RAP1GAP: variants seen among roughly 807,000 people sequenced by gnomAD.
RAP1GAP encodes rap1 GTPase-activating protein 1.
RAP1GAP carries 35 observed loss-of-function variants against 87.2 expected under a neutral mutation model. The observed-to-expected ratio is 0.40, with a 90% confidence interval of 0.31 to 0.53. The LOEUF (loss-of-function observed/expected upper bound fraction) is 0.53. RAP1GAP is among the 20% of genes least tolerant of loss of function. The probability of loss-of-function intolerance (pLI) is 0.48; values close to 1 mark genes in which losing one functional copy is unlikely to be tolerated. For synonymous variants in RAP1GAP, 375 were observed against 363.9 expected, an observed-to-expected ratio of 1.03 and a Z score of -0.35; for missense variants, 734 against 898.9, an observed-to-expected ratio of 0.82 and a Z score of 2.35.
At chr1:21,605,036 G>GATA in intron 18 of RAP1GAP, among the ~76,000 whole-genome samples, 2 of 149,958 alleles carry the variant, frequency 1.3e-5, no homozygotes, top group African/African-American at 2.5e-5. Context: ...TGGATGGGTG[G>GATA]GTGGATGGAT....
rs1374627554 is a variant in RAP1GAP, at chr1:21,651,728, G to A, written c.-148-1932C>T. The A allele has an allele frequency of 9.9e-5, 140 of 1,415,608 alleles. 2 individuals are homozygous for A. The South Asian group carries it at 1.7e-3, about 17-fold the overall frequency. The allele number at this position is 1,415,608 out of a possible 1,614,324, so 87.7% of individuals were successfully genotyped here. A position where few individuals can be genotyped will look rare whatever the true frequency, so the allele number is the denominator to read the frequency against. On this transcript the variant is annotated intron_variant, in intron 1 of 24. Transcript: ENST00000374765. Reference sequence around the variant, plus strand: ...CCCGCACGGGCTCCCCCCCACGCGTGCACACGCACACGCGCGCACGCGCCC... The same window carrying A: ...CCCGCACGGGCTCCCCCCCACGCGTACACACGCACACGCGCGCACGCGCCC...
chr1:21,613,608 C>T lies in RAP1GAP; in HGVS notation c.474+20G>A. 1 of 1,601,192 alleles carries T rather than the reference C, an allele frequency of 6.2e-7. No homozygotes were observed. The highest frequency in any genetic ancestry group is 1.7e-4 in the Middle Eastern group (1 of 6,034). ...ATCTGCGGAGCCAGCCCGGGAAGCT[C>T]AGCGGAGCGGAGACCTCACCTTTGC... On this transcript the variant is annotated intron_variant, in intron 9 of 24. Coordinates refer to ENST00000374765, the MANE Select transcript of RAP1GAP (RefSeq NM_002885.4). The surrounding 1 kb of genome is among the most constrained non-coding windows in gnomAD (Gnocchi z 4.7).
intron 21 of RAP1GAP, among the ~76,000 whole-genome samples, chr1:21,598,902 T>C (rs1053388631): frequency 6.6e-6 from 1 of 152,260 alleles, no homozygotes; most frequent in African/African-American, 2.4e-5. Context: ...CTGTATCTGT[T>C]GTATCTGGGG....
At position 21,597,033 on chromosome 1, in the gene RAP1GAP, A is replaced by G. The variant is rs1170980294; in HGVS notation, c.*266T>C. 6.6e-6 allele frequency: 1 copy of G among 152,368 alleles called. No homozygotes were observed. The highest frequency in any genetic ancestry group is 1.5e-5 in the Non-Finnish European group (1 of 68,260). The allele number at this position is 152,368 out of a possible 1,614,324, so 9.4% of individuals were successfully genotyped here. Reference sequence around the variant, plus strand: ...CAGACCCCCAGTCCTGCTTCCACTGAGCAATCCCTGCCCCAGCCCAGACCC... The same window carrying G: ...CAGACCCCCAGTCCTGCTTCCACTGGGCAATCCCTGCCCCAGCCCAGACCC... On this transcript the variant is annotated 3_prime_UTR_variant, in exon 25 of 25. Transcript: ENST00000374765.
intron 1 of RAP1GAP, among the ~76,000 whole-genome samples, chr1:21,663,119 C>T (rs1165095695): frequency 1.3e-5 from 2 of 152,210 alleles, no homozygotes; most frequent in African/African-American, 4.8e-5. Context: ...CACACCTCTC[C>T]AGCCAGGGAG....
intron 1 of RAP1GAP, among the ~76,000 whole-genome samples, chr1:21,652,522 C>T (rs2096655867): frequency 6.6e-6 from 1 of 152,116 alleles, no homozygotes; most frequent in Admixed American, 6.5e-5. Context: ...CTCCCCTTCT[C>T]CCAGGAGTCC....
chr1:21,611,777 G>T lies in RAP1GAP; in HGVS notation c.652C>A (p.Pro218Thr), dbSNP rs556373808. Residue 218 changes from proline (P) to threonine (T), a missense_variant, in exon 12 of 25, where the codon CCC becomes ACC. Transcript: ENST00000374765. ...AATTCAAGGAACTCCACGAAAGCGG[G>T]ACTTTCCTCATTGGTGCTGAAGAGT... ...EELFSTNEES[P>T]AFVEFLEFLG... 7.4e-6 allele frequency: 12 copies of T among 1,614,092 alleles called. No individual in the cohort carries two copies. Among genetic ancestry groups the T allele is most frequent in the Non-Finnish European group, 9.3e-6 (11 of 1,179,900 alleles).
chr1:21,652,048 G>C, intron 1 of RAP1GAP: 1 of 172,202 alleles, frequency 5.8e-6, no homozygotes, highest in Non-Finnish European at 1.2e-5. Context: ...GACTTTCCGA[G>C]CCGGGCCCAG....
intron 21 of RAP1GAP, 49 bp downstream of exon 21, chr1:21,599,445 G>A: frequency 6.4e-7 from 1 of 1,572,568 alleles, no homozygotes; most frequent in Non-Finnish European, 8.6e-7. Context: ...GGACCAAAGA[G>A]CCCCCTTCCA....
chr1:21,646,842 C>T lies in RAP1GAP; in HGVS notation c.-113+2919G>A, dbSNP rs12404654. Among the ~76,000 whole-genome samples, 1,214 of 152,316 alleles carry T rather than the reference C, an allele frequency of 8.0e-3. 57 individuals carry two copies. Among genetic ancestry groups the T allele is most frequent in the Admixed American group, 0.072 (1,100 of 15,286 alleles). ...CTCACACTGGGCCTCCTTCCTCTTG[C>T]ATCTGCACACCTACTCTGAGGTCCT... On this transcript the variant is annotated intron_variant, in intron 2 of 24. Coordinates refer to ENST00000374765, the MANE Select transcript of RAP1GAP (RefSeq NM_002885.4).
At chr1:21,599,951 C>T (rs1447357110) in intron 20 of RAP1GAP, among the ~76,000 whole-genome samples, 1 of 152,206 alleles carries the variant, frequency 6.6e-6, no homozygotes, top group Non-Finnish European at 1.5e-5. Context: ...ATCGGGTGCA[C>T]GTTCACTCTG....
chr1:21,625,771 TG>T (rs140786921), intron 3 of RAP1GAP, among the ~76,000 whole-genome samples: 1,613 of 152,348 alleles, frequency 0.011, 33 homozygotes, highest in African/African-American at 0.037. Flanking sequence ...GAGCAGGATC[TG>T]TATCAGATTG....
At chr1:21,600,249 G>A (rs191583323) in intron 20 of RAP1GAP, among the ~76,000 whole-genome samples, 12 of 152,240 alleles carry the variant, frequency 7.9e-5, no homozygotes, top group East Asian at 5.8e-4. Context: ...TAGGGCTCTC[G>A]CTCCAGGAGT....
intron 16 of RAP1GAP, 104 bp downstream of exon 16, chr1:21,608,746 A>G (rs1189998774): frequency 8.4e-7 from 1 of 1,197,564 alleles, no homozygotes; most frequent in Non-Finnish European, 1.2e-6. Context: ...TGTCCCCGCT[A>G]AGGCCAAGGT....
At chr1:21,626,276 G>A (rs1459420285) in intron 3 of RAP1GAP, 28 bp downstream of exon 3, 2 of 1,549,936 alleles carry the variant, frequency 1.3e-6, no homozygotes, top group Non-Finnish European at 1.8e-6. Context: ...GCAGACCAGG[G>A]GCCGTAGGTA....
At chr1:21,601,868 G>C (rs1289387592) in intron 19 of RAP1GAP, 71 bp from the exon 20 acceptor site, 2 of 1,089,088 alleles carry the variant, frequency 1.8e-6, no homozygotes, top group Admixed American at 4.7e-5. Context: ...TGAGGCCCAG[G>C]CGGTGAGGGG....
At chr1:21,602,695 T>C in intron 19 of RAP1GAP, 109 bp downstream of exon 19, 2 of 937,676 alleles carry the variant, frequency 2.1e-6, no homozygotes, top group South Asian at 1.7e-5. Context: ...CTAGTGGGGA[T>C]GGAGAGGCAG....
Position 21,613,374 on chromosome 1 carries a change from T to A in RAP1GAP, c.475-145A>T. On this transcript the variant is annotated intron_variant, in intron 9 of 24. Coordinates refer to ENST00000374765, the MANE Select transcript of RAP1GAP (RefSeq NM_002885.4). This position sits in a 1 kb window ranked among gnomAD's most constrained non-coding sequence, Gnocchi z 4.7. The stretch of plus-strand genomic sequence containing the variant: ...AGCAGGACTCGGGGTTCACTGTTGC[T>A]CAGGGAACGGAGGTCCCCTGAGATC... 2.4e-6 allele frequency: 2 copies of A among 826,516 alleles called. No homozygotes were observed. The highest frequency in any genetic ancestry group is 4.1e-6 in the Non-Finnish European group (2 of 493,514). 51.2% of individuals were successfully genotyped at this position (826,516 alleles called of 1,614,324 possible). A position where few individuals can be genotyped will look rare whatever the true frequency, so the allele number is the denominator to read the frequency against.
intron 4 of RAP1GAP, 101 bp from the exon 5 acceptor site, chr1:21,619,173 G>T: frequency 1.6e-6 from 2 of 1,269,846 alleles, no homozygotes; most frequent in Admixed American, 2.1e-5. Flanking sequence ...GAGGCGGCCC[G>T]CGAAGGTAGG....
Sources: gnomAD v4.1 joint callset for allele counts (sites outside exome capture counted in the v4.1 genomes callset) on GRCh38, gnomAD v4.1.1 for gene constraint, Gnocchi (gnomAD v3.1) non-coding constraint, MANE v1.5 for transcripts, NCBI Gene and HGNC (gene_info 2026-07-23, HGNC 2026-07-21) for gene names.